ASB7: variants seen among roughly 807,000 people sequenced by gnomAD.
ASB7 encodes the protein ankyrin repeat and SOCS box protein 7.
ASB7 carries 4 observed loss-of-function variants against 32.5 expected under a neutral mutation model. That is an observed-to-expected ratio of 0.12 (90% CI 0.06 to 0.28). The LOEUF (loss-of-function observed/expected upper bound fraction) is 0.28. Ranked by LOEUF, ASB7 falls within the 10% of genes least tolerant of loss-of-function variation. The probability of loss-of-function intolerance (pLI) is 1.00; values close to 1 mark genes in which losing one functional copy is unlikely to be tolerated. For synonymous variants in ASB7, 172 were observed against 155.6 expected, an observed-to-expected ratio of 1.11 and a Z score of -0.78; for missense variants, 181 against 407.1, an observed-to-expected ratio of 0.44 and a Z score of 4.78.
At position 100,644,542 on chromosome 15, in the gene ASB7, C is replaced by A. The variant is rs79192889; in HGVS notation, c.818-3781C>A. On this transcript the variant is annotated intron_variant, in intron 5 of 5. Transcript: ENST00000332783. ...AGGACAAGCCTATTAAGCATTCATT[C>A]AACTCATATTCGCCGAGTACCGTGT... Among the ~76,000 whole-genome samples the A allele has an allele frequency of 3.2e-3, 490 of 152,320 alleles. 2 individuals are homozygous for A. Among genetic ancestry groups the A allele is most frequent in the African/African-American group, 0.011 (455 of 41,552 alleles).
At position 100,602,729 on chromosome 15, in the gene ASB7, G is replaced by A. The variant is rs1433661816; in HGVS notation, c.-590G>A. The A allele has an allele frequency of 2.7e-6, 1 of 370,900 alleles. No homozygotes were observed. The highest frequency in any genetic ancestry group is 4.8e-6 in the Non-Finnish European group (1 of 209,098). The allele number at this position is 370,900 out of a possible 1,614,324, so 23.0% of individuals were successfully genotyped here. A position where few individuals can be genotyped will look rare whatever the true frequency, so the allele number is the denominator to read the frequency against. On this transcript the variant is annotated 5_prime_UTR_variant, in exon 1 of 6. Coordinates refer to ENST00000332783, the MANE Select transcript of ASB7 (RefSeq NM_198243.3). ...ACCTCGCCGTCCCGAGACCTCCTGG[G>A]TCCCTCCGTAGCTGGAAGCCTCCGG...
At chr15:100,613,676 T>C (rs565470035) in intron 4 of ASB7, among the ~76,000 whole-genome samples, 1 of 152,332 alleles carries the variant, frequency 6.6e-6, no homozygotes, top group South Asian at 2.1e-4. Flanking sequence ...CAGGGCTTCA[T>C]AACATTAAGA....
chr15:100,645,778 A>C, intron 5 of ASB7: 1 of 1,569,944 alleles, frequency 6.4e-7, no homozygotes, highest in Non-Finnish European at 8.8e-7. Context: ...AAATACAATT[A>C]AACACTTTAT....
intron 5 of ASB7, among the ~76,000 whole-genome samples, chr15:100,637,055 C>T (rs980634453): frequency 3.3e-5 from 5 of 152,134 alleles, no homozygotes; most frequent in South Asian, 2.1e-4. Flanking sequence ...CGTGATGAGG[C>T]GGTAAAATTA....
intron 5 of ASB7, among the ~76,000 whole-genome samples, chr15:100,637,932 C>T (rs1162117349): frequency 6.6e-6 from 1 of 150,654 alleles, no homozygotes; most frequent in African/African-American, 2.4e-5. Flanking sequence ...TCGCAAAAAT[C>T]CTTTTTGTTT....
In ASB7 at chr15:100,627,256, A is replaced by G. The variant is rs548662858; in HGVS notation, c.212-2181A>G. On this transcript the variant is annotated intron_variant, in intron 4 of 5. Coordinates refer to ENST00000332783, the MANE Select transcript of ASB7 (RefSeq NM_198243.3). Reference sequence around the variant, plus strand: ...ATGTTTGCTAAGGGGACAAAGTAATAAGTTCAGTGGGGTTGCTGTTTTAGA... The same window carrying G: ...ATGTTTGCTAAGGGGACAAAGTAATGAGTTCAGTGGGGTTGCTGTTTTAGA... Among the ~76,000 whole-genome samples the G allele has an allele frequency of 7.2e-5, 11 of 152,296 alleles. No individual in the cohort carries two copies. In the South Asian group the frequency reaches 2.1e-3, roughly 29 times the overall value.
At chr15:100,615,117 C>A (rs985440072) in intron 4 of ASB7, among the ~76,000 whole-genome samples, 1 of 152,140 alleles carries the variant, frequency 6.6e-6, no homozygotes, top group East Asian at 1.9e-4. Flanking sequence ...CTATATATAA[C>A]CTGGGTGTGT....
At chr15:100,609,959 G>T (rs2039680849) in intron 3 of ASB7, 131 bp downstream of exon 3, 1 of 152,184 alleles carries the variant, frequency 6.6e-6, no homozygotes, top group Non-Finnish European at 1.5e-5. Context: ...GGTTTGTTTT[G>T]ATATTGTTTC....
chr15:100,638,174 A>ATT (rs1333871452), intron 5 of ASB7, among the ~76,000 whole-genome samples: 1 of 152,202 alleles, frequency 6.6e-6, no homozygotes, highest in Non-Finnish European at 1.5e-5. Flanking sequence ...CTAAAATCAG[A>ATT]TTTTTAAGGG....
chr15:100,610,193 G>A (rs1478076599), intron 3 of ASB7, among the ~76,000 whole-genome samples: 2 of 152,180 alleles, frequency 1.3e-5, no homozygotes, highest in African/African-American at 2.4e-5. Flanking sequence ...ATTGAGAGAA[G>A]AAATAAGAGG....
chr15:100,618,392 GGCATGAGCCACC>G (rs2141392893), intron 4 of ASB7, among the ~76,000 whole-genome samples: 1 of 152,226 alleles, frequency 6.6e-6, no homozygotes. Context: ...TGGAATTACA[GGCATGAGCCACC>G]GCGTCCAGTC....
chr15:100,624,114 G>T (rs968325202), intron 4 of ASB7, among the ~76,000 whole-genome samples: 1 of 152,178 alleles, frequency 6.6e-6, no homozygotes, highest in East Asian at 1.9e-4. Flanking sequence ...TTGGCCTCTC[G>T]ATAGTAGAGA....
intron 4 of ASB7, among the ~76,000 whole-genome samples, chr15:100,626,167 C>T: frequency 6.6e-6 from 1 of 152,090 alleles, no homozygotes. Context: ...GAGTTTTGCT[C>T]TTCAAAACAT....
intron 5 of ASB7, among the ~76,000 whole-genome samples, chr15:100,640,697 C>G (rs1284314489): frequency 6.6e-6 from 1 of 152,176 alleles, no homozygotes; most frequent in African/African-American, 2.4e-5. Context: ...TGTTTTTCCT[C>G]TCTACCTTTA....
intron 5 of ASB7, among the ~76,000 whole-genome samples, chr15:100,632,142 G>A (rs2039888259): frequency 6.6e-6 from 1 of 152,220 alleles, no homozygotes; most frequent in Non-Finnish European, 1.5e-5. Flanking sequence ...TAAAATTTGA[G>A]CAGATAGAAA....
rs556734931 is a variant in ASB7, at chr15:100,639,474, CT to C, written c.818-8848del. Among the ~76,000 whole-genome samples the C allele has an allele frequency of 1.0e-2, 1,520 of 152,130 alleles. 13 individuals are homozygous for C. Among genetic ancestry groups the C allele is most frequent in the South Asian group, 0.026 (124 of 4,810 alleles). ...TTTTAAGAAAGCGGGCTCGAGCTTT[CT>C]CAGGTTAAACCCCATATAGCAATAA... On this transcript the variant is annotated intron_variant, in intron 5 of 5. Coordinates refer to ENST00000332783, the MANE Select transcript of ASB7 (RefSeq NM_198243.3).
intron 4 of ASB7, among the ~76,000 whole-genome samples, chr15:100,622,183 CTCATTTATAATA>C (rs2039798089): frequency 6.7e-6 from 1 of 149,054 alleles, no homozygotes; most frequent in South Asian, 2.2e-4. Flanking sequence ...ATGAAGGTAT[CTCATTTATAATA>C]GCTACAAAAA....
intron 3 of ASB7, among the ~76,000 whole-genome samples, 158 bp downstream of exon 3, chr15:100,609,986 G>C (rs2039681060): frequency 6.6e-6 from 1 of 152,136 alleles, no homozygotes; most frequent in Non-Finnish European, 1.5e-5. Context: ...TTTCTTGCAT[G>C]GTAGGCCTCG....
At chr15:100,639,468 A>G (rs112973171) in intron 5 of ASB7, among the ~76,000 whole-genome samples, 130 of 152,192 alleles carry the variant, frequency 8.5e-4, no homozygotes, top group African/African-American at 2.8e-3. Flanking sequence ...AGCGGGCTCG[A>G]GCTTTCTCAG....
Sources: gnomAD v4.1 joint callset for allele counts (sites outside exome capture counted in the v4.1 genomes callset) on GRCh38, gnomAD v4.1.1 for gene constraint, MANE v1.5 for transcripts, NCBI Gene and HGNC (gene_info 2026-07-23, HGNC 2026-07-21) for gene names.